The following EIF3E variants were observed in gnomAD, a reference collection of about 807,000 sequenced individuals.
EIF3E encodes eukaryotic translation initiation factor 3 subunit E.
EIF3E carries 25 observed loss-of-function variants against 59.3 expected under a neutral mutation model. The ratio of observed to expected loss-of-function variants is 0.42; its 90% CI spans 0.31 to 0.59. The LOEUF is 0.59. Ranked by LOEUF, EIF3E falls within the 20% of genes least tolerant of loss-of-function variation. EIF3E has a pLI of 0.15. For missense variants in EIF3E, 317 were observed against 534.3 expected (o/e 0.59, Z 4.01); for synonymous variants, 176 against 170.2 (o/e 1.03, Z -0.26).
intron 10 of EIF3E, among the ~76,000 whole-genome samples, chr8:108,204,786 G>GAGAGAGAGAGAC (rs1554598037): frequency 1.4e-4 from 20 of 139,288 alleles, no homozygotes; most frequent in Non-Finnish European, 2.3e-4. Flanking sequence ...GAGAGACAGA[G>GAGAGAGAGAGAC]AGAGAGAGAG....
chr8:108,211,095 C>A (rs1435172734), intron 10 of EIF3E, among the ~76,000 whole-genome samples: 2 of 152,098 alleles, frequency 1.3e-5, no homozygotes, highest in African/African-American at 4.8e-5. Context: ...GATTTATTAT[C>A]CTTTGGGTAT....
In EIF3E at chr8:108,228,603, CAAT is replaced by C. The variant is rs1261445163; in HGVS notation, c.598-215_598-213del. Among the ~76,000 whole-genome samples, 4 of 152,138 alleles carry C rather than the reference CAAT, an allele frequency of 2.6e-5. No individual in the cohort carries two copies. The East Asian group carries it at 7.7e-4, about 29-fold the overall frequency. ...ATTACCCTGTTCTTAGAGACAGATT[CAAT>C]AATGTCTACTGAAGACGCTCTAATT... On this transcript the variant is annotated intron_variant, in intron 6 of 12. Transcript: ENST00000220849.
chr8:108,239,854 T>C (rs1175373281), intron 3 of EIF3E, 104 bp downstream of exon 3: 1 of 913,386 alleles, frequency 1.1e-6, no homozygotes, highest in East Asian at 2.4e-5. Flanking sequence ...AGCACTCATT[T>C]AAACCATGAA....
intron 9 of EIF3E, among the ~76,000 whole-genome samples, chr8:108,215,680 G>C (rs1323464993): frequency 6.6e-6 from 1 of 152,046 alleles, no homozygotes; most frequent in East Asian, 1.9e-4. Context: ...TTTTTCCTTA[G>C]AGAAGTAAGA....
rs748256532 is a variant in EIF3E at position 108,240,041 on chromosome 8, T to C, written c.240A>G (p.Gln80=). ...LREKRTTVVA[Q]LKQLQAETEP... is the part of the protein sequence containing the mutation. ...CTGTTTCTGCCTGAAGCTGTTTCAG[T>C]TGTGCAACCACTGTGGTTCTTTTCT... Residue 80 remains glutamine (Q), a synonymous_variant, in exon 3 of 13, where the codon CAA becomes CAG. Transcript: ENST00000220849. The C allele has an allele frequency of 3.1e-6, 5 of 1,614,108 alleles. No homozygotes were observed. The highest frequency in any genetic ancestry group is 1.7e-5 in the Admixed American group (1 of 60,022).
chr8:108,230,366 T>C (rs1815599709), intron 5 of EIF3E, among the ~76,000 whole-genome samples: 1 of 152,148 alleles, frequency 6.6e-6, no homozygotes, highest in African/African-American at 2.4e-5. Flanking sequence ...AATTATCACC[T>C]GATACAGAAT....
chr8:108,248,690 C>G lies in EIF3E; in HGVS notation c.13G>C (p.Asp5His). 6.2e-7 allele frequency: 1 copy of G among 1,614,168 alleles called. No individual in the cohort carries two copies. The highest frequency in any genetic ancestry group is 8.5e-7 in the Non-Finnish European group (1 of 1,180,022). The stretch of plus-strand genomic sequence containing the variant: ...AAGTGCGCGATGCGAGTAGTCAAGT[C>G]GTACTCCGCCATCTTGCCAAAGAAA... MAEY[D>H]LTTRIAHFLD... Residue 5 changes from aspartate to histidine, a missense_variant, in exon 1 of 13, where the codon GAC becomes CAC. Coordinates refer to ENST00000220849, the MANE Select transcript of EIF3E (RefSeq NM_001568.3).
Position 108,241,872 on chromosome 8 carries a change from A to G in EIF3E, c.132T>C (p.Leu44=). ...AGTCTACCATGTTGGTATCACTAAG[A>G]AGGTCCAATTTACCTTGTAATAATT... is the stretch of plus-strand genomic sequence containing the variant. The part of the protein sequence containing the change: ...EKELLQGKLD[L]LSDTNMVDFA... Residue 44 remains leucine, a synonymous_variant, in exon 2 of 13, where the codon CTT becomes CTC. Coordinates refer to ENST00000220849, the MANE Select transcript of EIF3E (RefSeq NM_001568.3). 6.2e-7 allele frequency: 1 copy of G among 1,601,852 alleles called. No individual in the cohort carries two copies. The highest frequency in any genetic ancestry group is 1.1e-5 in the South Asian group (1 of 87,946).
Position 108,223,641 on chromosome 8 carries a change from G to C in EIF3E, c.722+4626C>G, listed in dbSNP as rs1385054289. The stretch of plus-strand genomic sequence containing the variant: ...GTAATAGGGCATTGTATTACAAATG[G>C]ATTCTTTTTCCTAACAGCATCTACA... On this transcript the variant is annotated intron_variant, in intron 7 of 12. Coordinates refer to ENST00000220849, the MANE Select transcript of EIF3E (RefSeq NM_001568.3). 2.0e-5 allele frequency among the ~76,000 whole-genome samples: 3 copies of C among 152,106 alleles called. No individual in the cohort carries two copies. In the East Asian group the frequency reaches 5.8e-4, roughly 29 times the overall value.
intron 1 of EIF3E, among the ~76,000 whole-genome samples, chr8:108,247,469 A>C (rs1463326217): frequency 6.6e-6 from 1 of 152,252 alleles, no homozygotes; most frequent in Non-Finnish European, 1.5e-5. Context: ...TTTACATGAC[A>C]AGACATTCTT....
Position 108,201,627 on chromosome 8 carries a change from T to G in EIF3E, c.*258A>C. ...AGTGAAAAAATTGAGGGAAACAGGGTTCAGCCTACAGGGACTTCTCTGTAC... is the reference window on the plus strand; with the variant it reads ...AGTGAAAAAATTGAGGGAAACAGGGGTCAGCCTACAGGGACTTCTCTGTAC... On this transcript the variant is annotated 3_prime_UTR_variant, in exon 13 of 13. Transcript: ENST00000220849. The G allele has an allele frequency of 3.7e-6, 1 of 272,380 alleles. No homozygotes were observed. Among genetic ancestry groups the G allele is most frequent in the South Asian group, 1.1e-4 (1 of 9,396 alleles). 16.9% of individuals were successfully genotyped at this position (272,380 alleles called of 1,614,324 possible).
intron 4 of EIF3E, 117 bp from the exon 5 acceptor site, chr8:108,235,219 A>C: frequency 1.9e-6 from 1 of 537,162 alleles, no homozygotes; most frequent in South Asian, 4.0e-5. Flanking sequence ...CTTCTAATGT[A>C]TATTTTATGA....
chr8:108,235,711 C>T (rs1815717498), intron 4 of EIF3E, among the ~76,000 whole-genome samples: 1 of 152,208 alleles, frequency 6.6e-6, no homozygotes, highest in Non-Finnish European at 1.5e-5. Context: ...CTTATAAAGA[C>T]CTTGATAATT....
chr8:108,248,389 C>G (rs1013625383), intron 1 of EIF3E, among the ~76,000 whole-genome samples: 2 of 152,156 alleles, frequency 1.3e-5, no homozygotes, highest in Non-Finnish European at 2.9e-5. Flanking sequence ...GTGAAAGAGA[C>G]TTCTTTTCTC....
intron 5 of EIF3E, among the ~76,000 whole-genome samples, chr8:108,230,501 G>GTATACATATTTATCTATATGTAAATC (rs1815603385): frequency 6.6e-6 from 1 of 151,746 alleles, no homozygotes; most frequent in African/African-American, 2.4e-5. Context: ...ATATGTAAAT[G>GTATACATATTTATCTATATGTAAATC]TGTATACATA....
At chr8:108,221,023 GAC>G (rs757579513) in intron 7 of EIF3E, among the ~76,000 whole-genome samples, 1 of 143,766 alleles carries the variant, frequency 7.0e-6, no homozygotes, top group African/African-American at 3.0e-5. Context: ...GACAGAGCGA[GAC>G]ATGGACAGAC....
intron 9 of EIF3E, 115 bp from the exon 10 acceptor site, chr8:108,214,831 C>T: frequency 2.3e-6 from 2 of 859,436 alleles, no homozygotes. Flanking sequence ...TTTTATACCA[C>T]AGCACTTTCT....
chr8:108,247,226 G>C (rs985828402), intron 1 of EIF3E, among the ~76,000 whole-genome samples: 1 of 151,742 alleles, frequency 6.6e-6, no homozygotes, highest in South Asian at 2.1e-4. Context: ...CTTTCCTTCT[G>C]TGTGCCATAA....
intron 1 of EIF3E, among the ~76,000 whole-genome samples, chr8:108,245,443 T>A (rs922061916): frequency 6.6e-6 from 1 of 152,200 alleles, no homozygotes; most frequent in Non-Finnish European, 1.5e-5. Flanking sequence ...CACTCCAGCT[T>A]AGGTGACAAA....
Sources: gnomAD v4.1 joint callset for allele counts (sites outside exome capture counted in the v4.1 genomes callset) on GRCh38, gnomAD v4.1.1 for gene constraint, MANE v1.5 for transcripts, NCBI Gene and HGNC (gene_info 2026-07-23, HGNC 2026-07-21) for gene names.